TCF4: variants seen among roughly 807,000 people sequenced by gnomAD.
TCF4 encodes SL3-3 enhancer factor 2.
TCF4 carries 3 observed loss-of-function variants against 82.1 expected under a neutral mutation model. The ratio of observed to expected loss-of-function variants is 0.04; its 90% CI spans 0.02 to 0.09. The LOEUF is 0.09. Ranked by LOEUF, TCF4 falls within the 10% of genes least tolerant of loss-of-function variation. TCF4 has a pLI of 1.00. For missense variants in TCF4, 518 were observed against 852.7 expected (o/e 0.61, Z 4.89); for synonymous variants, 276 against 309.6 (o/e 0.89, Z 1.14).
intron 3 of TCF4, among the ~76,000 whole-genome samples, chr18:55,501,020 C>G (rs2096693726): frequency 6.6e-6 from 1 of 152,026 alleles, no homozygotes. Flanking sequence ...TACTGAGAAC[C>G]CTGGAAGATC....
intron 3 of TCF4, among the ~76,000 whole-genome samples, chr18:55,470,612 T>C (rs1351759832): frequency 6.6e-6 from 1 of 152,140 alleles, no homozygotes; most frequent in Non-Finnish European, 1.5e-5. Flanking sequence ...TGATTTGAAA[T>C]AAACAAGTAT....
chr18:55,275,810 T>C (rs991268468), intron 9 of TCF4, 58 bp from the exon 10 acceptor site: 41 of 1,610,732 alleles, frequency 2.5e-5, no homozygotes, highest in African/African-American at 5.3e-5. Context: ...CCTTATAGAA[T>C]AGGGTTTTTT....
chr18:55,505,984 AG>A (rs2096755183), intron 3 of TCF4, among the ~76,000 whole-genome samples: 1 of 152,214 alleles, frequency 6.6e-6, no homozygotes, highest in South Asian at 2.1e-4. Context: ...AAATAACACT[AG>A]ACCTGGATTC....
intron 6 of TCF4, among the ~76,000 whole-genome samples, chr18:55,389,576 T>C (rs1001743231): frequency 6.6e-6 from 1 of 152,056 alleles, no homozygotes; most frequent in Non-Finnish European, 1.5e-5. Context: ...CAGGTTCTTA[T>C]AAAGACAGAG....
At position 55,617,277 on chromosome 18, in the gene TCF4, C is replaced by G. The variant is rs144429900; in HGVS notation, c.286+14021G>C. Among the ~76,000 whole-genome samples, 348 of 152,166 alleles carry G rather than the reference C, an allele frequency of 2.3e-3. 2 individuals carry two copies. Among genetic ancestry groups the G allele is most frequent in the African/African-American group, 8.1e-3 (338 of 41,546 alleles). On this transcript the variant is annotated intron_variant, in intron 2 of 20. Transcript: ENST00000398339. ...ATGCATACCTTTATTTCCAGGTTCT[C>G]TGTTCTATTGGTCTATAGATCTTTT...
chr18:55,232,393 T>C, intron 17 of TCF4, 116 bp downstream of exon 17: 1 of 1,197,682 alleles, frequency 8.3e-7, no homozygotes, highest in Non-Finnish European at 1.2e-6. Context: ...TTTAATTTTC[T>C]TTTCAGCTGT....
intron 3 of TCF4, among the ~76,000 whole-genome samples, chr18:55,554,536 A>G (rs534468055): frequency 6.6e-6 from 1 of 152,298 alleles, no homozygotes; most frequent in African/African-American, 2.4e-5. Flanking sequence ...TCCTCTGAAC[A>G]TGACTTCTCA....
At chr18:55,314,955 T>C (rs1273867778) in intron 8 of TCF4, among the ~76,000 whole-genome samples, 2 of 152,138 alleles carry the variant, frequency 1.3e-5, no homozygotes, top group Non-Finnish European at 2.9e-5. Context: ...AGTCAAATGT[T>C]AGCCTCCATT....
Position 55,586,391 on chromosome 18 carries a change from A to C in TCF4, c.72+654T>G, listed in dbSNP as rs1343498206. ...GACTTGGTTTAGGAAAAGGAAGCAA[A>C]GGGATGGAGAAGGACCAAGTACAGC... On this transcript the variant is annotated intron_variant, in intron 2 of 19. Transcript: ENST00000354452. The C allele has an allele frequency of 7.3e-6, 4 of 545,668 alleles. No individual in the cohort carries two copies. In the East Asian group the frequency reaches 1.4e-4, roughly 19 times the overall value. The allele number at this position is 545,668 out of a possible 1,614,324, so 33.8% of individuals were successfully genotyped here.
intron 16 of TCF4, 93 bp downstream of exon 16, chr18:55,234,455 T>A: frequency 6.4e-7 from 1 of 1,558,978 alleles, no homozygotes; most frequent in Middle Eastern, 1.7e-4. Flanking sequence ...TTTCTGCCAG[T>A]GCTTCTTGAG....
intron 5 of TCF4, among the ~76,000 whole-genome samples, chr18:55,455,715 T>G (rs1209398639): frequency 1.3e-5 from 2 of 152,184 alleles, no homozygotes; most frequent in African/African-American, 4.8e-5. Context: ...TTTGGAACTT[T>G]CAAACATCAA....
At chr18:55,471,571 A>T (rs1032699868) in intron 3 of TCF4, among the ~76,000 whole-genome samples, 1 of 152,182 alleles carries the variant, frequency 6.6e-6, no homozygotes. Context: ...GTTCGAGATC[A>T]GCCTGGGCAA....
At chr18:55,505,780 G>A (rs1339824493) in intron 3 of TCF4, among the ~76,000 whole-genome samples, 3 of 145,188 alleles carry the variant, frequency 2.1e-5, no homozygotes, top group Non-Finnish European at 4.5e-5. Flanking sequence ...CTCCAGCCTG[G>A]GCCACAGAGC....
chr18:55,510,860 T>C (rs1040718335), intron 3 of TCF4: 36 of 864,528 alleles, frequency 4.2e-5, no homozygotes, highest in Admixed American at 2.5e-4. Context: ...ATTAGAAATT[T>C]GAACAATAGC....
At chr18:55,238,088 T>A (rs1039926972) in intron 15 of TCF4, among the ~76,000 whole-genome samples, 1 of 152,252 alleles carries the variant, frequency 6.6e-6, no homozygotes, top group Non-Finnish European at 1.5e-5. Context: ...TGAACTTAAA[T>A]ACGTCATAAT....
intron 6 of TCF4, among the ~76,000 whole-genome samples, chr18:55,354,310 T>C (rs1009700384): frequency 6.6e-6 from 1 of 152,278 alleles, no homozygotes; most frequent in African/African-American, 2.4e-5. Context: ...ACTCTGTGAG[T>C]GTCTTTTTCA....
intron 5 of TCF4, among the ~76,000 whole-genome samples, chr18:55,454,104 C>T (rs1407559879): frequency 6.6e-6 from 1 of 152,128 alleles, no homozygotes; most frequent in African/African-American, 2.4e-5. Context: ...CTCGAGCAAT[C>T]CTTCCACCTT....
intron 3 of TCF4, among the ~76,000 whole-genome samples, chr18:55,489,701 C>A (rs1368655481): frequency 6.6e-6 from 1 of 152,174 alleles, no homozygotes; most frequent in Non-Finnish European, 1.5e-5. Flanking sequence ...AATAAATGCA[C>A]CACACAAGAG....
chr18:55,322,444 AAAAAAAC>A, intron 8 of TCF4: 1 of 1,008,192 alleles, frequency 9.9e-7, no homozygotes, highest in Non-Finnish European at 1.2e-6. Flanking sequence ...AAAAAAAAAA[AAAAAAAC>A]ACCACGTCTC....
Sources: allele counts gnomAD v4.1 joint callset (sites outside exome capture counted in the v4.1 genomes callset), GRCh38; gene constraint gnomAD v4.1.1; transcripts MANE v1.5; gene names NCBI Gene and HGNC (gene_info 2026-07-23, HGNC 2026-07-21).